NKAIN2: variants seen among roughly 807,000 people sequenced by gnomAD.
NKAIN2 encodes sodium/potassium transporting ATPase interacting 2, also known as sodium/potassium-transporting ATPase subunit beta-1-interacting protein 2.
A neutral mutation model predicts 32.6 loss-of-function variants in NKAIN2; 14 were observed. The observed-to-expected ratio is 0.43, with a 90% CI of 0.28 to 0.67. The LOEUF (loss-of-function observed/expected upper bound fraction) is 0.67, where lower values mean the gene tolerates loss of function less well. Among genes scored for constraint, NKAIN2 ranks in the 30% least tolerant of loss-of-function variants. The pLI is 0.17. For missense variants in NKAIN2, 198 were observed against 258.3 expected (o/e 0.77, Z 1.60); for synonymous variants, 80 against 87.2 (o/e 0.92, Z 0.46).
intron 4 of NKAIN2, among the ~76,000 whole-genome samples, chr6:124,703,663 G>C (rs1191743802): frequency 1.3e-5 from 2 of 152,028 alleles, no homozygotes; most frequent in Non-Finnish European, 2.9e-5. Context: ...CACAAGCCTA[G>C]TCATAAAGGT....
intron 1 of NKAIN2, among the ~76,000 whole-genome samples, chr6:123,844,638 C>T (rs1775016979): frequency 1.3e-5 from 2 of 152,202 alleles, no homozygotes; most frequent in African/African-American, 4.8e-5. Context: ...AATCATACTA[C>T]ATGGATACAT....
At chr6:123,972,372 A>G (rs1778383317) in intron 1 of NKAIN2, among the ~76,000 whole-genome samples, 1 of 152,198 alleles carries the variant, frequency 6.6e-6, no homozygotes, top group Non-Finnish European at 1.5e-5. Context: ...ATTTTAGGTC[A>G]TCACAGAACT....
chr6:124,293,421 A>T (rs1159799795), intron 2 of NKAIN2, among the ~76,000 whole-genome samples: 2 of 152,016 alleles, frequency 1.3e-5, no homozygotes, highest in Non-Finnish European at 2.9e-5. Flanking sequence ...TAATATTTTT[A>T]AAATTATGCG....
chr6:124,466,078 T>A (rs1383829247), intron 3 of NKAIN2, among the ~76,000 whole-genome samples: 2 of 151,486 alleles, frequency 1.3e-5, no homozygotes. Context: ...ATCACTGTAA[T>A]GTTTTACACA....
intron 2 of NKAIN2, among the ~76,000 whole-genome samples, chr6:124,326,688 T>C (rs1044457700): frequency 2.6e-5 from 4 of 152,018 alleles, no homozygotes; most frequent in African/African-American, 9.6e-5. Flanking sequence ...TCTATACTTC[T>C]AGATAGTTCT....
chr6:124,802,219 T>A (rs559089899), intron 5 of NKAIN2, among the ~76,000 whole-genome samples: 14 of 152,308 alleles, frequency 9.2e-5, no homozygotes, highest in Admixed American at 5.2e-4. Flanking sequence ...AATATGCATA[T>A]GTTAATGTAC....
At chr6:123,892,604 A>G (rs528977116) in intron 1 of NKAIN2, among the ~76,000 whole-genome samples, 1 of 152,052 alleles carries the variant, frequency 6.6e-6, no homozygotes, top group Admixed American at 6.6e-5. Flanking sequence ...GGGGACACAG[A>G]CCCAAACCGT....
At chr6:124,747,402 T>C (rs1777496190) in intron 4 of NKAIN2, among the ~76,000 whole-genome samples, 1 of 151,924 alleles carries the variant, frequency 6.6e-6, no homozygotes, top group South Asian at 2.1e-4. Flanking sequence ...TTTGCAGCCA[T>C]AATCAAGAAA....
rs60189624 is a variant in NKAIN2 at position 123,976,372 on chromosome 6, CATATATATATATATATATAT to C, written c.54+172143_54+172162del. Reference sequence around the variant, plus strand: ...CCATATATATATATATATATATTCCCATATATATATATATATATATATATATATATATATATATATATATG... The same window carrying C: ...CCATATATATATATATATATATTCCCATATATATATATATATATATATATG... On this transcript the variant is annotated intron_variant, in intron 1 of 6. Transcript: ENST00000368417. Among the ~76,000 whole-genome samples the C allele has an allele frequency of 7.8e-3, 85 of 10,924 alleles. 6 individuals are homozygous for C. The highest frequency in any genetic ancestry group is 0.017 in the African/African-American group (76 of 4,396). 7.2% of individuals were successfully genotyped at this position (10,924 alleles called of 152,430 possible).
At chr6:124,476,008 G>A (rs143832603) in intron 3 of NKAIN2, among the ~76,000 whole-genome samples, 11 of 152,022 alleles carry the variant, frequency 7.2e-5, no homozygotes, top group Non-Finnish European at 1.5e-4. Context: ...GTGTATGTAT[G>A]TGTGTGTGAG....
chr6:124,551,313 A>G (rs1308470591), intron 3 of NKAIN2, among the ~76,000 whole-genome samples: 1 of 152,160 alleles, frequency 6.6e-6, no homozygotes, highest in African/African-American at 2.4e-5. Flanking sequence ...ACTTAGGGAT[A>G]TTGCAACTGC....
chr6:124,029,725 A>G (rs1781320540), intron 1 of NKAIN2, among the ~76,000 whole-genome samples: 1 of 152,158 alleles, frequency 6.6e-6, no homozygotes, highest in African/African-American at 2.4e-5. Flanking sequence ...ATTGCCTGTT[A>G]GGAACCAGGC....
intron 3 of NKAIN2, among the ~76,000 whole-genome samples, chr6:124,484,368 A>G (rs1777571601): frequency 6.6e-6 from 1 of 152,134 alleles, no homozygotes; most frequent in Non-Finnish European, 1.5e-5. Context: ...TTTCTACGCC[A>G]AGTTCATTCT....
chr6:124,782,323 T>C lies in NKAIN2; in HGVS notation c.475-9016T>C, dbSNP rs922912603. Among the ~76,000 whole-genome samples the C allele has an allele frequency of 2.0e-5, 3 of 152,128 alleles. No individual in the cohort carries two copies. The South Asian group carries it at 6.2e-4, about 31-fold the overall frequency. On this transcript the variant is annotated intron_variant, in intron 4 of 6. Coordinates refer to ENST00000368417, the MANE Select transcript of NKAIN2 (RefSeq NM_001040214.3). Reference sequence around the variant, plus strand: ...TTTGATCACTGGATATGTGCTGAAGTCTCAGGTGCATTGTATATTCCACAC... The same window carrying C: ...TTTGATCACTGGATATGTGCTGAAGCCTCAGGTGCATTGTATATTCCACAC...
chr6:124,317,985 C>A (rs1197206465), intron 2 of NKAIN2, among the ~76,000 whole-genome samples: 1 of 151,940 alleles, frequency 6.6e-6, no homozygotes, highest in Non-Finnish European at 1.5e-5. Context: ...TCCTTAAATC[C>A]TTCCATGCTG....
chr6:124,323,777 A>ATTTTCTT lies in NKAIN2; in HGVS notation c.193-31486_193-31485insCTTTTTT, dbSNP rs1237658485. ...TGATTTAGCTGTTTCAATTCTTTTA[A>ATTTTCTT]TTTTTTCTTTTTTTTTTTTTTTTTT... On this transcript the variant is annotated intron_variant, in intron 2 of 6. Coordinates refer to ENST00000368417, the MANE Select transcript of NKAIN2 (RefSeq NM_001040214.3). 4.0e-4 allele frequency among the ~76,000 whole-genome samples: 46 copies of ATTTTCTT among 115,514 alleles called. 5 individuals are homozygous for ATTTTCTT. Among genetic ancestry groups the ATTTTCTT allele is most frequent in the South Asian group, 2.4e-3 (8 of 3,380 alleles). 75.8% of individuals were successfully genotyped at this position (115,514 alleles called of 152,430 possible).
chr6:124,390,375 A>G (rs906307866), intron 3 of NKAIN2, among the ~76,000 whole-genome samples: 7 of 152,158 alleles, frequency 4.6e-5, no homozygotes, highest in African/African-American at 1.7e-4. Context: ...GAGATCAGCT[A>G]TGAAGACAAG....
At chr6:124,335,779 A>G (rs965228188) in intron 2 of NKAIN2, among the ~76,000 whole-genome samples, 2 of 152,170 alleles carry the variant, frequency 1.3e-5, no homozygotes, top group African/African-American at 4.8e-5. Context: ...CAGATGTATG[A>G]TATTTCCAAT....
intron 1 of NKAIN2, among the ~76,000 whole-genome samples, chr6:123,957,731 G>A (rs1777660540): frequency 6.6e-6 from 1 of 152,102 alleles, no homozygotes; most frequent in South Asian, 2.1e-4. Context: ...CCTAGAAGAG[G>A]TGTGTCTTTA....
Sources: gnomAD v4.1 joint callset for allele counts (sites outside exome capture counted in the v4.1 genomes callset) on GRCh38, gnomAD v4.1.1 for gene constraint, MANE v1.5 for transcripts, NCBI Gene and HGNC (gene_info 2026-07-23, HGNC 2026-07-21) for gene names.